The following MYBPHL variants were observed in gnomAD, a reference collection of about 807,000 sequenced individuals.
MYBPHL encodes the protein myosin-binding protein H-like.
A neutral mutation model predicts 39.5 loss-of-function variants in MYBPHL; 32 were observed. The ratio of observed to expected loss-of-function variants is 0.81; its 90% confidence interval spans 0.61 to 1.09. The LOEUF is 1.09. Ranked by LOEUF, MYBPHL falls within the 50% of genes least tolerant of loss-of-function variation. MYBPHL has a pLI of 0.00. For synonymous variants in MYBPHL, 196 were observed against 183.7 expected, an observed-to-expected ratio of 1.07 and a Z score of -0.54; for missense variants, 456 against 460.2, an observed-to-expected ratio of 0.99 and a Z score of 0.08.
chr1:109,293,799 C>T (rs912231131), intron 8 of MYBPHL, among the ~76,000 whole-genome samples: 2 of 151,874 alleles, frequency 1.3e-5, no homozygotes, highest in Non-Finnish European at 1.5e-5. Context: ...CATGTCGGCT[C>T]TCACCTGTAA....
chr1:109,298,750 C>T (rs1434810904), intron 1 of MYBPHL, among the ~76,000 whole-genome samples: 1 of 152,056 alleles, frequency 6.6e-6, no homozygotes, highest in Non-Finnish European at 1.5e-5. Context: ...AGTCAACACC[C>T]TGACCTCCCA....
At position 109,306,877 on chromosome 1, in the gene MYBPHL, G is replaced by T. The variant is rs768734859; in HGVS notation, c.115C>A (p.Pro39Thr). 4 of 1,600,218 alleles carry T rather than the reference G, an allele frequency of 2.5e-6. No homozygotes were observed. The highest frequency in any genetic ancestry group is 2.6e-6 in the Non-Finnish European group (3 of 1,174,502). ...QASPGQGAGS[P>T]TPQLLPPIEE... ...ATAGGGGGCAGGAGCTGGGGAGTGGGGCTGCCAGCCCCCTGTCCAGGTGAA... is the reference window on the plus strand; with the variant it reads ...ATAGGGGGCAGGAGCTGGGGAGTGGTGCTGCCAGCCCCCTGTCCAGGTGAA... The change falls in exon 1 of 9, where the codon CCC becomes ACC. Residue 39 changes from proline (P) to threonine (T), a missense_variant. Transcript: ENST00000357155.
In MYBPHL at chr1:109,296,942, G is replaced by C. The variant is rs969138875; in HGVS notation, c.571C>G (p.Leu191Val). The C allele has an allele frequency of 1.9e-6, 3 of 1,614,032 alleles. No individual in the cohort carries two copies. The highest frequency in any genetic ancestry group is 1.7e-6 in the Non-Finnish European group (2 of 1,180,020). The change falls in exon 5 of 9, where the codon CTG (leucine) becomes GTG (valine). Residue 191 changes from leucine to valine, a missense_variant and splice_region_variant. Physicochemically the swap from Leu to Val is conservative, Grantham distance 32 (BLOSUM62 1). Transcript: ENST00000357155. ...TAGTGCTCCAGCACCGTGAACCACA[G>C]CTGCGGGGCCGAACATGATGCCAGA... is the stretch of plus-strand genomic sequence containing the variant. The part of the protein sequence containing the change: ...TVQKADTKSG[L>V]WFTVLEHYHR...
rs745345803 is a variant in MYBPHL at position 109,296,245 on chromosome 1, C to T, written c.856G>A (p.Ala286Thr). The change falls in exon 6 of 9, where the codon GCC becomes ACC. Residue 286 changes from alanine (A) to threonine (T), a missense_variant. Transcript: ENST00000357155. ...YNTQLFCCVR[A>T]SPRPKIIWLK... ...GAGCCCCCACTCACCCGGGGAGAGG[C>T]GCGGACACAGCAGAAGAGCTGGGTA... The T allele has an allele frequency of 1.7e-5, 27 of 1,613,398 alleles. No homozygotes were observed. Among genetic ancestry groups the T allele is most frequent in the Middle Eastern group, 1.7e-4 (1 of 5,760 alleles).
At position 109,297,487 on chromosome 1, in the gene MYBPHL, C is replaced by A. The variant is rs143926262; in HGVS notation, c.365G>T (p.Arg122Leu). The change falls in exon 3 of 9, where the codon CGC (arginine) becomes CTC (leucine). Residue 122 changes from arginine (R) to leucine (L), a missense_variant. Physicochemically the swap from Arg to Leu is moderately radical, Grantham distance 102. Transcript: ENST00000357155. The part of the protein sequence containing the change: ...IREAQRADSG[R>L]YQLRVQLGGL... ...ACCCAGCTGCACGCGGAGTTGGTAG[C>A]GACCTGAGTCAGCACGTTGGGCTTC... 4.3e-6 allele frequency: 7 copies of A among 1,613,568 alleles called. No homozygotes were observed. The highest frequency in any genetic ancestry group is 1.8e-4 in the Middle Eastern group (1 of 5,606).
chr1:109,294,281 C>T (rs1416257894), intron 7 of MYBPHL, 32 bp from the exon 8 acceptor site: 2 of 1,605,648 alleles, frequency 1.2e-6, no homozygotes, highest in Admixed American at 1.7e-5. Flanking sequence ...TCAGTGTTAA[C>T]ATCTCAGAAA....
intron 3 of MYBPHL, 32 bp from the exon 4 acceptor site, chr1:109,297,221 G>A: frequency 6.2e-7 from 1 of 1,614,096 alleles, no homozygotes; most frequent in Non-Finnish European, 8.5e-7. Flanking sequence ...AGTGGGCGTG[G>A]AACATCCCAC....
At position 109,292,367 on chromosome 1, in the gene MYBPHL, CTGGGGAACCACA is replaced by C. The variant is rs1657897214; in HGVS notation, c.*243_*254del. The stretch of plus-strand genomic sequence containing the variant: ...TCTCAAATACAGGGACACGTAGGCA[CTGGGGAACCACA>C]TATTTATTTAGATGAATCCAAACCA... On this transcript the variant is annotated 3_prime_UTR_variant, in exon 9 of 9. Coordinates refer to ENST00000357155, the MANE Select transcript of MYBPHL (RefSeq NM_001010985.3). The C allele has an allele frequency of 6.6e-6, 1 of 152,228 alleles. No homozygotes were observed. Among genetic ancestry groups the C allele is most frequent in the Non-Finnish European group, 1.5e-5 (1 of 68,040 alleles). 9.4% of individuals were successfully genotyped at this position (152,228 alleles called of 1,614,324 possible). A position where few individuals can be genotyped will look rare whatever the true frequency, so the allele number is the denominator to read the frequency against.
intron 6 of MYBPHL, 60 bp downstream of exon 6, chr1:109,296,174 G>A: frequency 6.3e-7 from 1 of 1,594,550 alleles, no homozygotes; most frequent in Non-Finnish European, 8.5e-7. Flanking sequence ...CTCAGCTTAG[G>A]TTAGGACAGG....
chr1:109,298,132 C>T, intron 2 of MYBPHL, 37 bp downstream of exon 2: 3 of 1,526,294 alleles, frequency 2.0e-6, no homozygotes, highest in African/African-American at 1.4e-5. Context: ...CTGCACTGGC[C>T]CCAGACATGG....
At chr1:109,295,034 C>G (rs1331682221) in intron 7 of MYBPHL, 77 bp downstream of exon 7, 2 of 1,501,414 alleles carry the variant, frequency 1.3e-6, no homozygotes, top group Non-Finnish European at 1.8e-6. Flanking sequence ...GCTTGCGTCT[C>G]TGTTCCCTGA....
At chr1:109,306,504 T>C (rs772246675) in intron 1 of MYBPHL, among the ~76,000 whole-genome samples, 64 of 152,192 alleles carry the variant, frequency 4.2e-4, no homozygotes, top group Non-Finnish European at 8.5e-4. Flanking sequence ...CCTCAGTCCC[T>C]TCCTGACTGG....
intron 1 of MYBPHL, among the ~76,000 whole-genome samples, chr1:109,302,556 C>T (rs1488301968): frequency 6.6e-6 from 1 of 152,200 alleles, no homozygotes; most frequent in Non-Finnish European, 1.5e-5. Context: ...ACTGTCTCTC[C>T]AACACCCTCT....
intron 1 of MYBPHL, among the ~76,000 whole-genome samples, chr1:109,305,873 T>C (rs1339321435): frequency 6.6e-6 from 1 of 152,206 alleles, no homozygotes; most frequent in Non-Finnish European, 1.5e-5. Context: ...TAGTTTGGCC[T>C]CTTCCAAGGC....
intron 6 of MYBPHL, 123 bp downstream of exon 6, chr1:109,296,111 G>T: frequency 8.0e-7 from 1 of 1,243,362 alleles, no homozygotes; most frequent in Non-Finnish European, 1.1e-6. Flanking sequence ...CCGTGCTGTA[G>T]AAGAGGCAGA....
chr1:109,297,317 C>G, intron 3 of MYBPHL, 105 bp downstream of exon 3: 1 of 1,558,984 alleles, frequency 6.4e-7, no homozygotes, highest in Non-Finnish European at 8.7e-7. Flanking sequence ...CCAGACATGA[C>G]GTGGGAGCCT....
chr1:109,303,040 G>A (rs747796895), intron 1 of MYBPHL, among the ~76,000 whole-genome samples: 5 of 152,152 alleles, frequency 3.3e-5, no homozygotes, highest in Non-Finnish European at 7.4e-5. Context: ...GATGAAAGAG[G>A]CCTGGGTCCT....
chr1:109,302,958 T>TA lies in MYBPHL; in HGVS notation c.145+3888dup, dbSNP rs1388635446. On this transcript the variant is annotated intron_variant, in intron 1 of 8. Transcript: ENST00000357155. ...ATCTGGTCCCAGGCTTTGAAGAAGT[T>TA]AGATTTCTATTTTCCTCTTCTGCTA... is the stretch of plus-strand genomic sequence containing the variant. Among the ~76,000 whole-genome samples, 5 of 152,298 alleles carry TA rather than the reference T, an allele frequency of 3.3e-5. No homozygotes were observed. In the East Asian group the frequency reaches 9.6e-4, roughly 29 times the overall value.
At position 109,294,326 on chromosome 1, in the gene MYBPHL, G is replaced by A. The variant is rs1365920762; in HGVS notation, c.1055-77C>T. 5.0e-6 allele frequency: 7 copies of A among 1,403,074 alleles called. No individual in the cohort carries two copies. In the African/African-American group the frequency reaches 9.9e-5, roughly 20 times the overall value. 86.9% of individuals were successfully genotyped at this position (1,403,074 alleles called of 1,614,324 possible). ...AACTTTCTTTCAGAGCATTAGAAAG[G>A]AATATTCTATTTCAGGTTCTTGGGG... On this transcript the variant is annotated intron_variant, in intron 7 of 8. Coordinates refer to ENST00000357155, the MANE Select transcript of MYBPHL (RefSeq NM_001010985.3).
Sources: allele counts gnomAD v4.1 joint callset (sites outside exome capture counted in the v4.1 genomes callset), GRCh38; gene constraint gnomAD v4.1.1; transcripts MANE v1.5; gene names NCBI Gene and HGNC (gene_info 2026-07-23, HGNC 2026-07-21).